The following CFAP299 variants were observed in gnomAD, a reference collection of about 807,000 sequenced individuals.
CFAP299 encodes the protein cilia- and flagella-associated protein 299.
In CFAP299, 21 loss-of-function variants were observed where a neutral mutation model predicts 27.0. The observed-to-expected ratio is 0.78, with a 90% CI of 0.55 to 1.12. CFAP299 has a LOEUF of 1.12. CFAP299 is among the 50% of genes most tolerant of loss of function. The pLI is 0.00. For missense variants in CFAP299, 310 were observed against 276.6 expected, an observed-to-expected ratio of 1.12 and a Z score of -0.86; for synonymous variants, 104 against 98.1, an observed-to-expected ratio of 1.06 and a Z score of -0.36.
intron 4 of CFAP299, among the ~76,000 whole-genome samples, chr4:80,910,860 T>C (rs1284341065): frequency 6.6e-6 from 1 of 152,092 alleles, no homozygotes; most frequent in African/African-American, 2.4e-5. Flanking sequence ...CAGAATAGTC[T>C]TGGAAGTATG....
chr4:80,521,583 C>T (rs1207676053), intron 2 of CFAP299, among the ~76,000 whole-genome samples: 1 of 152,014 alleles, frequency 6.6e-6, no homozygotes, highest in African/African-American at 2.4e-5. Context: ...TCTTGTATGA[C>T]TGAAACTATT....
At chr4:80,649,493 C>T (rs1448208691) in intron 3 of CFAP299, among the ~76,000 whole-genome samples, 1 of 152,062 alleles carries the variant, frequency 6.6e-6, no homozygotes, top group African/African-American at 2.4e-5. Context: ...CAAAATAACT[C>T]ATGAACTTAA....
At chr4:80,709,649 G>T (rs1041249513) in intron 3 of CFAP299, among the ~76,000 whole-genome samples, 1 of 152,128 alleles carries the variant, frequency 6.6e-6, no homozygotes, top group Non-Finnish European at 1.5e-5. Flanking sequence ...GGTCCTTGAG[G>T]TCACTAGGCA....
chr4:80,489,305 A>T (rs1009848891), intron 2 of CFAP299, among the ~76,000 whole-genome samples: 6 of 152,262 alleles, frequency 3.9e-5, no homozygotes, highest in Non-Finnish European at 7.4e-5. Flanking sequence ...CTTCTCACGC[A>T]TTACCTGATC....
chr4:80,340,543 C>T (rs966612322), intron 1 of CFAP299, among the ~76,000 whole-genome samples: 3 of 152,198 alleles, frequency 2.0e-5, no homozygotes, highest in Non-Finnish European at 4.4e-5. Context: ...TTGCACCTCA[C>T]AAGCTAAGAC....
At chr4:80,845,175 A>T (rs1731106359) in intron 3 of CFAP299, among the ~76,000 whole-genome samples, 1 of 151,946 alleles carries the variant, frequency 6.6e-6, no homozygotes, top group South Asian at 2.1e-4. Flanking sequence ...GTATAGTTTG[A>T]AGTCAGGTAG....
intron 3 of CFAP299, among the ~76,000 whole-genome samples, chr4:80,869,267 G>T (rs1171171759): frequency 1.3e-5 from 2 of 151,976 alleles, no homozygotes; most frequent in African/African-American, 4.8e-5. Flanking sequence ...ATGCACCCAG[G>T]AATAACAAAG....
intron 2 of CFAP299, among the ~76,000 whole-genome samples, chr4:80,479,831 C>A (rs1044751664): frequency 1.1e-4 from 17 of 151,922 alleles, no homozygotes; most frequent in African/African-American, 3.9e-4. Flanking sequence ...TAGAAAAAAT[C>A]TTTATATTGG....
chr4:80,510,411 G>A (rs1053451719), intron 2 of CFAP299, among the ~76,000 whole-genome samples: 12 of 152,196 alleles, frequency 7.9e-5, no homozygotes, highest in Non-Finnish European at 1.3e-4. Context: ...GTAAAAAGTG[G>A]ATTCCTTGCC....
chr4:80,379,084 G>A (rs1010645188), intron 2 of CFAP299, among the ~76,000 whole-genome samples: 4 of 152,000 alleles, frequency 2.6e-5, no homozygotes, highest in African/African-American at 9.7e-5. Context: ...TTTTCTTTGA[G>A]AGAAGGCTTA....
intron 4 of CFAP299, among the ~76,000 whole-genome samples, chr4:80,917,047 G>A (rs1023939674): frequency 9.2e-5 from 14 of 152,102 alleles, no homozygotes; most frequent in African/African-American, 2.9e-4. Context: ...AAGAAAAAGT[G>A]TGGCGGCAAA....
intron 2 of CFAP299, among the ~76,000 whole-genome samples, chr4:80,392,122 C>T (rs531700039): frequency 5.3e-5 from 8 of 152,298 alleles, no homozygotes; most frequent in Non-Finnish European, 7.4e-5. Flanking sequence ...TCATTTTGGC[C>T]GATTTCTTCC....
At chr4:80,513,434 G>A (rs1732419573) in intron 2 of CFAP299, among the ~76,000 whole-genome samples, 1 of 151,992 alleles carries the variant, frequency 6.6e-6, no homozygotes, top group South Asian at 2.1e-4. Context: ...CTTCATACTA[G>A]CATATTTTAT....
chr4:80,342,889 TAA>T (rs1368244496), intron 1 of CFAP299, among the ~76,000 whole-genome samples: 6 of 152,194 alleles, frequency 3.9e-5, no homozygotes, highest in Non-Finnish European at 5.9e-5. Context: ...GCAATCTGGA[TAA>T]AGAGTCATGA....
intron 3 of CFAP299, among the ~76,000 whole-genome samples, chr4:80,710,971 T>G (rs1169533590): frequency 6.6e-6 from 1 of 152,144 alleles, no homozygotes; most frequent in Non-Finnish European, 1.5e-5. Context: ...TCAGCGAGTT[T>G]AGAGCACAGG....
At chr4:80,727,096 C>T (rs1723207848) in intron 3 of CFAP299, among the ~76,000 whole-genome samples, 1 of 151,848 alleles carries the variant, frequency 6.6e-6, no homozygotes, top group Admixed American at 6.6e-5. Context: ...TCCAAGATAA[C>T]ATTTAAATGT....
At chr4:80,413,140 G>T (rs1305662747) in intron 2 of CFAP299, among the ~76,000 whole-genome samples, 2 of 151,896 alleles carry the variant, frequency 1.3e-5, no homozygotes, top group African/African-American at 4.8e-5. Context: ...AACATGAAAA[G>T]TATGGGTGAA....
At chr4:80,742,226 T>G (rs1049831505) in intron 3 of CFAP299, among the ~76,000 whole-genome samples, 3 of 152,184 alleles carry the variant, frequency 2.0e-5, no homozygotes, top group Admixed American at 6.6e-5. Flanking sequence ...TGTTAAAATT[T>G]GATATTCCAG....
chr4:80,471,688 G>C (rs968405740), intron 2 of CFAP299, among the ~76,000 whole-genome samples: 2 of 151,912 alleles, frequency 1.3e-5, no homozygotes, highest in Admixed American at 6.6e-5. Flanking sequence ...ATAAGGTTCA[G>C]GTGTGCCTTG....
Sources: allele counts gnomAD v4.1 joint callset (sites outside exome capture counted in the v4.1 genomes callset), GRCh38; gene constraint gnomAD v4.1.1; transcripts MANE v1.5; gene names NCBI Gene and HGNC (gene_info 2026-07-23, HGNC 2026-07-21).